MYO10: variants seen among roughly 807,000 people sequenced by gnomAD.
MYO10 encodes unconventional myosin-X.
Under a neutral mutation model 257.3 loss-of-function variants are expected in MYO10, and 133 were observed. That is an observed-to-expected ratio of 0.52 (90% CI 0.45 to 0.60). The LOEUF (loss-of-function observed/expected upper bound fraction) is 0.60. Ranked by LOEUF, MYO10 falls within the 20% of genes least tolerant of loss-of-function variation. MYO10 has a pLI of 0.00. For synonymous variants in MYO10, 1,104 were observed against 1,028.6 expected (o/e 1.07, Z -1.40); for missense variants, 2,399 against 2,635.7 (o/e 0.91, Z 1.97).
intron 4 of MYO10, among the ~76,000 whole-genome samples, 195 bp downstream of exon 4, chr5:16,794,451 G>A (rs750272666): frequency 6.6e-6 from 1 of 151,344 alleles, no homozygotes; most frequent in Non-Finnish European, 1.5e-5. Context: ...AAGCAACATG[G>A]TCCATCTGCT....
chr5:16,837,220 G>A (rs1319504257), intron 2 of MYO10, among the ~76,000 whole-genome samples: 1 of 152,112 alleles, frequency 6.6e-6, no homozygotes, highest in Non-Finnish European at 1.5e-5. Context: ...TGAAGCAGGA[G>A]AATTGCTGAA....
chr5:16,882,385 A>G (rs895809056), intron 1 of MYO10, among the ~76,000 whole-genome samples: 2 of 146,936 alleles, frequency 1.4e-5, no homozygotes, highest in Non-Finnish European at 3.1e-5. Flanking sequence ...TAATCTTATC[A>G]TATATGTCCC....
chr5:16,713,358 C>T, intron 19 of MYO10: 23 of 985,888 alleles, frequency 2.3e-5, no homozygotes, highest in Non-Finnish European at 2.7e-5. Flanking sequence ...AGGGGCATCT[C>T]ACCTTCAGTT....
chr5:16,790,923 AC>A (rs1436665600), intron 4 of MYO10, among the ~76,000 whole-genome samples: 4 of 151,564 alleles, frequency 2.6e-5, no homozygotes, highest in Admixed American at 6.6e-5. Context: ...ACACACACAC[AC>A]ACACATATAT....
rs1330237715 is a variant in MYO10, at chr5:16,701,775, G to C, written c.2620C>G (p.Leu874Val). The stretch of plus-strand genomic sequence containing the variant: ...TTCTGTTTCTCCAGTTCACGGGTCA[G>C]TTCAGCTTCCTTCTGGCTCTTCTGC... ...ALQKSQKEAE[L>V]TRELEKQKEN... The change falls in exon 25 of 41, where the codon CTG becomes GTG. Residue 874 changes from leucine (L) to valine (V), a missense_variant. Transcript: ENST00000513610. This position sits in a 1 kb window ranked among gnomAD's most constrained non-coding sequence, Gnocchi z 8.1. 1.2e-6 allele frequency: 2 copies of C among 1,613,602 alleles called. No homozygotes were observed. Among genetic ancestry groups the C allele is most frequent in the Non-Finnish European group, 1.7e-6 (2 of 1,179,858 alleles).
intron 3 of MYO10, among the ~76,000 whole-genome samples, chr5:16,806,594 G>C (rs1742283477): frequency 6.7e-6 from 1 of 150,358 alleles, no homozygotes; most frequent in Admixed American, 6.6e-5. Flanking sequence ...CTTGCAGTGA[G>C]CCAAGATAGT....
chr5:16,703,244 CA>C, intron 22 of MYO10, 86 bp from the exon 23 acceptor site: 5 of 994,352 alleles, frequency 5.0e-6, no homozygotes, highest in Non-Finnish European at 7.4e-6. Flanking sequence ...GGCTACAAGA[CA>C]AAAGAGGACC....
Position 16,779,578 on chromosome 5 carries a change from T to G in MYO10, c.897A>C (p.Thr299=), listed in dbSNP as rs750734451. The G allele has an allele frequency of 9.4e-6, 15 of 1,588,156 alleles. No homozygotes were observed. Among genetic ancestry groups the G allele is most frequent in the Middle Eastern group, 1.7e-4 (1 of 6,014 alleles). ...CCCTAAAGGATTCCTGGTCACTGATTGTCTTGTCTTCTACACATCCAGACT... is the reference window on the plus strand; with the variant it reads ...CCCTAAAGGATTCCTGGTCACTGATGGTCTTGTCTTCTACACATCCAGACT... ...LNQSGCVEDK[T]ISDQESFREV... Residue 299 remains threonine (T), a synonymous_variant, in exon 9 of 41, where the codon ACA becomes ACC. Coordinates refer to ENST00000513610, the MANE Select transcript of MYO10 (RefSeq NM_012334.3).
intron 1 of MYO10, among the ~76,000 whole-genome samples, chr5:16,931,219 C>T (rs1580164196): frequency 6.6e-6 from 1 of 151,952 alleles, no homozygotes; most frequent in Non-Finnish European, 1.5e-5. Context: ...TGTGGTGAGC[C>T]GAGATCGCAC....
intron 1 of MYO10, among the ~76,000 whole-genome samples, chr5:16,924,012 C>A (rs1381281918): frequency 1.3e-5 from 2 of 152,090 alleles, no homozygotes; most frequent in Non-Finnish European, 2.9e-5. Context: ...ATCGCCTGAG[C>A]CAAAGAGATC....
intron 1 of MYO10, among the ~76,000 whole-genome samples, chr5:16,931,463 A>T (rs957536745): frequency 6.6e-6 from 1 of 152,072 alleles, no homozygotes; most frequent in African/African-American, 2.4e-5. Context: ...TGCCCATGCC[A>T]GCTTGTTCCT....
At chr5:16,802,588 C>A (rs1356349750) in intron 3 of MYO10, among the ~76,000 whole-genome samples, 1 of 143,180 alleles carries the variant, frequency 7.0e-6, no homozygotes, top group Non-Finnish European at 1.5e-5. Flanking sequence ...ACCCGGGAGG[C>A]AGAGCTTGCA....
rs549544435 is a variant in MYO10, at chr5:16,710,008, C to T, written c.2169+900G>A. 1.9e-3 allele frequency among the ~76,000 whole-genome samples: 291 copies of T among 152,344 alleles called. 1 individual carries two copies. The highest frequency in any genetic ancestry group is 3.4e-3 in the Non-Finnish European group (230 of 68,042). ...CAAGACATACGTCTCTCTCTTCCCC[C>T]GCTTTCTCCCTCTTTCCTTTCCTCT... On this transcript the variant is annotated intron_variant, in intron 21 of 40. Coordinates refer to ENST00000513610, the MANE Select transcript of MYO10 (RefSeq NM_012334.3).
chr5:16,766,578 C>T (rs926049170), intron 10 of MYO10, among the ~76,000 whole-genome samples: 10 of 151,892 alleles, frequency 6.6e-5, no homozygotes, highest in African/African-American at 2.2e-4. Flanking sequence ...TATAGGCACC[C>T]GCTACCACGC....
At chr5:16,898,181 G>A (rs1051407168) in intron 1 of MYO10, among the ~76,000 whole-genome samples, 1 of 152,020 alleles carries the variant, frequency 6.6e-6, no homozygotes, top group East Asian at 1.9e-4. Flanking sequence ...CCAGGTCAGC[G>A]TCTTTCAACC....
chr5:16,881,750 CAT>C (rs1744760171), intron 1 of MYO10, among the ~76,000 whole-genome samples: 1 of 152,208 alleles, frequency 6.6e-6, no homozygotes, highest in Admixed American at 6.5e-5. Flanking sequence ...TATTAGAACA[CAT>C]GTGCCCAGGT....
intron 2 of MYO10, among the ~76,000 whole-genome samples, chr5:16,837,941 T>G (rs989742678): frequency 2.6e-5 from 4 of 152,176 alleles, no homozygotes; most frequent in Non-Finnish European, 4.4e-5. Context: ...ATATTTGATC[T>G]TTGATGCTCC....
chr5:16,903,519 G>A (rs1335706058), intron 1 of MYO10, among the ~76,000 whole-genome samples: 1 of 152,224 alleles, frequency 6.6e-6, no homozygotes, highest in Non-Finnish European at 1.5e-5. Context: ...AACGGGTTCA[G>A]TTTTTCTCCT....
chr5:16,712,111 G>C (rs1239432500), intron 19 of MYO10, among the ~76,000 whole-genome samples: 1 of 151,534 alleles, frequency 6.6e-6, no homozygotes, highest in Non-Finnish European at 1.5e-5. Context: ...CAGGTGAGGT[G>C]GGGGTGGGGG....
Sources: gnomAD v4.1 joint callset for allele counts (sites outside exome capture counted in the v4.1 genomes callset) on GRCh38, gnomAD v4.1.1 for gene constraint, Gnocchi (gnomAD v3.1) non-coding constraint, MANE v1.5 for transcripts, NCBI Gene and HGNC (gene_info 2026-07-23, HGNC 2026-07-21) for gene names.